The following CFAP97 variants were observed in gnomAD, a reference collection of about 807,000 sequenced individuals.
CFAP97 encodes the protein cilia- and flagella-associated protein 97.
CFAP97 carries 36 observed loss-of-function variants against 43.1 expected under a neutral mutation model. The observed-to-expected ratio is 0.84, with a 90% CI of 0.64 to 1.10. The LOEUF is 1.10. Ranked by LOEUF, CFAP97 falls within the 50% of genes least tolerant of loss-of-function variation. CFAP97 has a pLI of 0.00. For synonymous variants in CFAP97, 228 were observed against 225.7 expected (o/e 1.01, Z -0.09); for missense variants, 657 against 620.3 (o/e 1.06, Z -0.63).
At chr4:185,207,064 G>T (rs144496481), upstream of CFAP97, among the ~76,000 whole-genome samples, 98 of 152,194 alleles carry the variant, frequency 6.4e-4, no homozygotes, top group Non-Finnish European at 1.2e-3. Context: ...CTGATTGGAC[G>T]GTTGCCCACA....
At chr4:185,192,481 G>A (rs1736307869) in intron 1 of CFAP97, among the ~76,000 whole-genome samples, 2 of 152,028 alleles carry the variant, frequency 1.3e-5, no homozygotes, top group African/African-American at 4.8e-5. Flanking sequence ...TAGAGACCAC[G>A]TTTTTGTTAT....
At chr4:185,176,117 T>TTTTTC (rs1735526775) in intron 2 of CFAP97, 66 bp from the exon 3 acceptor site, 1 of 1,268,146 alleles carries the variant, frequency 7.9e-7, no homozygotes. Context: ...TGCTTTTTTT[T>TTTTTC]TTTTTCTCTT....
intron 3 of CFAP97, among the ~76,000 whole-genome samples, chr4:185,166,260 T>C (rs1735067193): frequency 6.6e-6 from 1 of 152,190 alleles, no homozygotes; most frequent in African/African-American, 2.4e-5. Flanking sequence ...CAGTGTGATG[T>C]AGGTGTCCAA....
chr4:185,204,476 T>C (rs1737098754), upstream of CFAP97: 1 of 152,198 alleles, frequency 6.6e-6, no homozygotes, highest in South Asian at 2.1e-4. Flanking sequence ...AGGTGGGTAG[T>C]TAAAACAATC....
chr4:185,198,057 C>T (rs991036578), intron 1 of CFAP97, among the ~76,000 whole-genome samples: 1 of 152,196 alleles, frequency 6.6e-6, no homozygotes. Flanking sequence ...AAGCAAGGCC[C>T]TCACTCACTT....
chr4:185,205,926 A>G (rs1737169793), upstream of CFAP97, among the ~76,000 whole-genome samples: 1 of 152,252 alleles, frequency 6.6e-6, no homozygotes, highest in South Asian at 2.1e-4. Context: ...TAAACACATG[A>G]AAAGATACTC....
chr4:185,184,496 C>T (rs1473185292), intron 2 of CFAP97, among the ~76,000 whole-genome samples: 1 of 152,154 alleles, frequency 6.6e-6, no homozygotes, highest in Non-Finnish European at 1.5e-5. Context: ...AGAAGAGACA[C>T]TGTCTCTTCC....
At chr4:185,171,928 A>C (rs1344642382) in intron 3 of CFAP97, among the ~76,000 whole-genome samples, 3 of 152,008 alleles carry the variant, frequency 2.0e-5, no homozygotes, top group Non-Finnish European at 4.4e-5. Flanking sequence ...TAGAGATGGA[A>C]TCTCACCATG....
chr4:185,198,014 C>A (rs1257667934), intron 1 of CFAP97, among the ~76,000 whole-genome samples: 2 of 152,206 alleles, frequency 1.3e-5, no homozygotes, highest in Non-Finnish European at 2.9e-5. Flanking sequence ...ACCAAGCCAG[C>A]CACCACATTC....
rs916892966 is a variant in CFAP97 at position 185,190,459 on chromosome 4, C to T, written c.738G>A (p.Glu246=). 2.3e-5 allele frequency: 37 copies of T among 1,613,792 alleles called. No individual in the cohort carries two copies. The highest frequency in any genetic ancestry group is 3.1e-5 in the Non-Finnish European group (36 of 1,179,890). Residue 246 remains glutamate, a synonymous_variant, in exon 2 of 5, where the codon GAG becomes GAA. Transcript: ENST00000458385. Reference sequence around the variant, plus strand: ...CGTCAGTCACAGTATCTTCAGACTCCTCAGGGTAGTGGCCACATTTTGGTG... The same window carrying T: ...CGTCAGTCACAGTATCTTCAGACTCTTCAGGGTAGTGGCCACATTTTGGTG... ...STTPKCGHYP[E]ESEDTVTDVS...
At chr4:185,175,393 A>G (rs962060421) in intron 3 of CFAP97, among the ~76,000 whole-genome samples, 2 of 151,894 alleles carry the variant, frequency 1.3e-5, no homozygotes, top group African/African-American at 4.8e-5. Flanking sequence ...CAGCTTTCCA[A>G]GTATCTGGGA....
intron 2 of CFAP97, among the ~76,000 whole-genome samples, chr4:185,176,269 T>C (rs1212223046): frequency 6.6e-6 from 1 of 152,020 alleles, no homozygotes; most frequent in Non-Finnish European, 1.5e-5. Flanking sequence ...TCCACCACCA[T>C]GCCTGGCTAA....
At chr4:185,206,022 A>C (rs568500438), upstream of CFAP97, among the ~76,000 whole-genome samples, 5 of 152,370 alleles carry the variant, frequency 3.3e-5, no homozygotes, top group Admixed American at 3.3e-4. Flanking sequence ...AAGGATTGGC[A>C]AGAATGTGGA....
At chr4:185,196,043 A>G (rs1379142020) in intron 1 of CFAP97, among the ~76,000 whole-genome samples, 4 of 152,208 alleles carry the variant, frequency 2.6e-5, no homozygotes, top group African/African-American at 9.6e-5. Context: ...GTTTCTTCAA[A>G]TTTCAAAAGT....
At chr4:185,179,882 G>A (rs2111355413) in intron 2 of CFAP97, among the ~76,000 whole-genome samples, 1 of 152,258 alleles carries the variant, frequency 6.6e-6, no homozygotes, top group South Asian at 2.1e-4. Context: ...CTTCCATGGT[G>A]ATGTGGCTTC....
Position 185,192,745 on chromosome 4 carries a change from T to TG in CFAP97, c.-16-1534_-16-1533insC, listed in dbSNP as rs1390949389. 2.2e-3 allele frequency among the ~76,000 whole-genome samples: 189 copies of TG among 84,226 alleles called. 3 individuals carry two copies. The East Asian group carries it at 0.052, about 23-fold the overall frequency. 55.3% of individuals were successfully genotyped at this position (84,226 alleles called of 152,430 possible). On this transcript the variant is annotated intron_variant, in intron 1 of 4. Transcript: ENST00000458385. The stretch of plus-strand genomic sequence containing the variant: ...CAGAATTGACCTTCTTTTTTTTTTT[T>TG]TTTTTTTTTTTTTGAGACGGAGTCT...
At chr4:185,178,240 C>CTTTTTTTTTTTTTTTTTTTTT (rs562452947) in intron 2 of CFAP97, among the ~76,000 whole-genome samples, 1 of 64,236 alleles carries the variant, frequency 1.6e-5, no homozygotes. Flanking sequence ...CGGTTTTTGT[C>CTTTTTTTTTTTTTTTTTTTTT]TTTTTTTTTT....
At chr4:185,182,939 A>G (rs1735859743) in intron 2 of CFAP97, among the ~76,000 whole-genome samples, 1 of 152,026 alleles carries the variant, frequency 6.6e-6, no homozygotes, top group Non-Finnish European at 1.5e-5. Context: ...GTCTCTACTA[A>G]AAATACAAAA....
In CFAP97 at chr4:185,164,287, G is replaced by A. The variant is rs917984777; in HGVS notation, c.1321-108C>T. 5.8e-6 allele frequency: 6 copies of A among 1,033,582 alleles called. No homozygotes were observed. In the African/African-American group the frequency reaches 9.9e-5, roughly 17 times the overall value. 64.0% of individuals were successfully genotyped at this position (1,033,582 alleles called of 1,614,324 possible). On this transcript the variant is annotated intron_variant, in intron 3 of 4. Coordinates refer to ENST00000458385, the MANE Select transcript of CFAP97 (RefSeq NM_020827.3). ...TCACTTTCTTTCTTTTTTTTTTTAA[G>A]AGACAAGATCTTACTCTGTCACTCA...
Sources: gnomAD v4.1 joint callset for allele counts (sites outside exome capture counted in the v4.1 genomes callset) on GRCh38, gnomAD v4.1.1 for gene constraint, MANE v1.5 for transcripts, NCBI Gene and HGNC (gene_info 2026-07-23, HGNC 2026-07-21) for gene names.